PID1: variants seen among roughly 807,000 people sequenced by gnomAD.
PID1 encodes PTB-containing, cubilin and LRP1-interacting protein.
A neutral mutation model predicts 19.1 loss-of-function variants in PID1; 10 were observed. The ratio of observed to expected loss-of-function variants is 0.52; its 90% CI spans 0.32 to 0.89. The LOEUF (loss-of-function observed/expected upper bound fraction) is 0.89. PID1 is among the 40% of genes least tolerant of loss of function. The pLI is 0.03. For synonymous variants in PID1, 130 were observed against 116.0 expected (o/e 1.12, Z -0.78); for missense variants, 248 against 285.3 (o/e 0.87, Z 0.94).
chr2:229,081,912 G>T (rs1694676121), intron 2 of PID1, among the ~76,000 whole-genome samples: 1 of 152,180 alleles, frequency 6.6e-6, no homozygotes, highest in Admixed American at 6.5e-5. Flanking sequence ...AGAGCAAACT[G>T]CATCATGAAG....
intron 2 of PID1, among the ~76,000 whole-genome samples, chr2:229,033,067 C>A (rs950264533): frequency 6.6e-6 from 1 of 152,156 alleles, no homozygotes; most frequent in Non-Finnish European, 1.5e-5. Flanking sequence ...GGTTGCCCGA[C>A]ATTTATCCTT....
chr2:229,214,575 C>T (rs149014987), intron 1 of PID1, among the ~76,000 whole-genome samples: 165 of 152,222 alleles, frequency 1.1e-3, no homozygotes, highest in African/African-American at 3.8e-3. Flanking sequence ...GAGAAAGAAT[C>T]GAGCACTGTT....
chr2:229,139,422 C>A (rs1407313574), intron 2 of PID1, among the ~76,000 whole-genome samples: 1 of 152,132 alleles, frequency 6.6e-6, no homozygotes, highest in Non-Finnish European at 1.5e-5. Flanking sequence ...CATTTTGCCC[C>A]ACCCACAGAA....
intron 1 of PID1, among the ~76,000 whole-genome samples, chr2:229,171,384 T>C (rs1216514880): frequency 2.0e-5 from 3 of 152,214 alleles, no homozygotes; most frequent in East Asian, 1.9e-4. Flanking sequence ...AAGCCATCTA[T>C]GGAGGACAGA....
At position 229,184,232 on chromosome 2, in the gene PID1, ATG is replaced by A. The variant is rs763157787; in HGVS notation, c.31-28270_31-28269del. 0.014 allele frequency among the ~76,000 whole-genome samples: 10 copies of A among 704 alleles called. 4 individuals are homozygous for A. The South Asian group carries it at 1, about 70-fold the overall frequency. The allele number at this position is 704 out of a possible 152,430, so 0.5% of individuals were successfully genotyped here. ...TATATATATCCCATATATATATCCC[ATG>A]TATATATATCCCATATGTATATATC... On this transcript the variant is annotated intron_variant, in intron 1 of 2. Transcript: ENST00000392055.
rs565746288 is a variant in PID1 at position 229,108,583 on chromosome 2, G to T, written c.177+47235C>A. On this transcript the variant is annotated intron_variant, in intron 2 of 2. Transcript: ENST00000392055. ...GTGTCTATGCAAAGTCATAAAGAAT[G>T]CATTATAGGAATGTTTCAAAGAAGG... Among the ~76,000 whole-genome samples the T allele has an allele frequency of 3.9e-5, 6 of 152,308 alleles. No individual in the cohort carries two copies. The East Asian group carries it at 7.7e-4, about 20-fold the overall frequency.
chr2:229,084,696 C>A (rs900153598), intron 2 of PID1, among the ~76,000 whole-genome samples: 3 of 152,162 alleles, frequency 2.0e-5, no homozygotes, highest in African/African-American at 7.2e-5. Context: ...AAAGGGTTCA[C>A]CAGACTCACA....
At chr2:229,166,407 C>T (rs1690598161) in intron 1 of PID1, among the ~76,000 whole-genome samples, 1 of 152,184 alleles carries the variant, frequency 6.6e-6, no homozygotes, top group Non-Finnish European at 1.5e-5. Context: ...GTGCACTTTA[C>T]ATATGCATGG....
intron 1 of PID1, among the ~76,000 whole-genome samples, chr2:229,209,485 G>A (rs942087046): frequency 1.3e-5 from 2 of 152,186 alleles, no homozygotes; most frequent in African/African-American, 4.8e-5. Context: ...GTGCCAACTA[G>A]GTGCAGTCAA....
chr2:229,095,896 C>T (rs975701445), intron 2 of PID1, among the ~76,000 whole-genome samples: 2 of 152,134 alleles, frequency 1.3e-5, no homozygotes, highest in African/African-American at 4.8e-5. Context: ...TTTGGTTCTA[C>T]TCAATTTGAT....
At chr2:229,056,202 A>C (rs1694096812) in intron 2 of PID1, among the ~76,000 whole-genome samples, 1 of 152,200 alleles carries the variant, frequency 6.6e-6, no homozygotes, top group South Asian at 2.1e-4. Context: ...TAACAAGAGT[A>C]TAAAATCCAC....
At chr2:229,059,571 T>C (rs557225545) in intron 2 of PID1, among the ~76,000 whole-genome samples, 74 of 152,296 alleles carry the variant, frequency 4.9e-4, no homozygotes, top group Middle Eastern at 6.8e-3. Flanking sequence ...AACCCAAAAT[T>C]TTCTGAATCT....
rs59259977 is a variant in PID1 at position 229,173,636 on chromosome 2, T to C, written c.31-17672A>G. On this transcript the variant is annotated intron_variant, in intron 1 of 2. Coordinates refer to ENST00000392055, the MANE Select transcript of PID1 (RefSeq NM_001100818.2). The stretch of plus-strand genomic sequence containing the variant: ...ACCAGGGACACTGACATTGAGAAAA[T>C]AAGAGTTTCCTGTTTCAAAATAAAA... Among the ~76,000 whole-genome samples, 403 of 152,102 alleles carry C rather than the reference T, an allele frequency of 2.6e-3. 3 individuals carry two copies. The highest frequency in any genetic ancestry group is 9.4e-3 in the African/African-American group (389 of 41,496).
intron 2 of PID1, among the ~76,000 whole-genome samples, chr2:229,146,846 A>T (rs1219287430): frequency 6.6e-6 from 1 of 152,184 alleles, no homozygotes; most frequent in Non-Finnish European, 1.5e-5. Flanking sequence ...CAGAGATTGC[A>T]GTGATGTACC....
chr2:229,069,640 T>C (rs1486714653), intron 2 of PID1, among the ~76,000 whole-genome samples: 1 of 152,128 alleles, frequency 6.6e-6, no homozygotes, highest in African/African-American at 2.4e-5. Context: ...AGGCTTCTGT[T>C]AGAGCAGCGG....
intron 1 of PID1, among the ~76,000 whole-genome samples, chr2:229,219,381 C>T (rs575709226): frequency 1.2e-4 from 18 of 152,188 alleles, no homozygotes; most frequent in African/African-American, 3.6e-4. Context: ...GAGAGAAGTC[C>T]GGGGAAGCCC....
chr2:229,250,587 T>A (rs1690124764), intron 1 of PID1, among the ~76,000 whole-genome samples: 1 of 152,238 alleles, frequency 6.6e-6, no homozygotes, highest in African/African-American at 2.4e-5. Flanking sequence ...GTGGCTGGTA[T>A]GATGCTGCCA....
intron 2 of PID1, among the ~76,000 whole-genome samples, chr2:229,103,473 G>T (rs1300149509): frequency 6.6e-6 from 1 of 151,890 alleles, no homozygotes; most frequent in East Asian, 1.9e-4. Flanking sequence ...GGACTTCACT[G>T]TGTGCAAGAA....
At chr2:229,245,081 T>C (rs1287288750) in intron 1 of PID1, 2 of 152,132 alleles carry the variant, frequency 1.3e-5, no homozygotes, top group African/African-American at 4.8e-5. Flanking sequence ...TGTTTTTCTT[T>C]ACACTTAAAA....
Sources: gnomAD v4.1 joint callset for allele counts (sites outside exome capture counted in the v4.1 genomes callset) on GRCh38, gnomAD v4.1.1 for gene constraint, MANE v1.5 for transcripts, NCBI Gene and HGNC (gene_info 2026-07-23, HGNC 2026-07-21) for gene names.